The following SMARCAD1 variants were observed in gnomAD, a reference collection of about 807,000 sequenced individuals.
SMARCAD1 encodes SNF2 related chromatin remodeling ATPase with DExD box 1.
In SMARCAD1, 25 loss-of-function variants were observed where a neutral mutation model predicts 127.1. The ratio of observed to expected loss-of-function variants is 0.20; its 90% confidence interval spans 0.14 to 0.27. The LOEUF (loss-of-function observed/expected upper bound fraction) is 0.27. Among genes scored for constraint, SMARCAD1 ranks in the 10% least tolerant of loss-of-function variants. SMARCAD1 has a pLI of 1.00. For missense variants in SMARCAD1, 807 were observed against 1,206.0 expected (o/e 0.67, Z 4.90); for synonymous variants, 400 against 396.9 (o/e 1.01, Z -0.09).
intron 2 of SMARCAD1, among the ~76,000 whole-genome samples, chr4:94,222,987 T>C (rs1009471629): frequency 1.8e-4 from 27 of 151,236 alleles, no homozygotes; most frequent in African/African-American, 6.3e-4. Flanking sequence ...AAAATAAAAA[T>C]TGTTATGTCT....
intron 10 of SMARCAD1, among the ~76,000 whole-genome samples, chr4:94,269,210 C>T (rs1385584464): frequency 6.6e-6 from 1 of 152,176 alleles, no homozygotes; most frequent in East Asian, 1.9e-4. Flanking sequence ...CTGTTCTTCA[C>T]TCAGTTCTAA....
At chr4:94,277,568 T>C (rs1481378875) in intron 16 of SMARCAD1, among the ~76,000 whole-genome samples, 1 of 152,186 alleles carries the variant, frequency 6.6e-6, no homozygotes, top group Non-Finnish European at 1.5e-5. Flanking sequence ...CTGAGAAATA[T>C]ATTCTGAAAT....
At chr4:94,244,309 C>T (rs1748066107) in intron 6 of SMARCAD1, among the ~76,000 whole-genome samples, 1 of 152,186 alleles carries the variant, frequency 6.6e-6, no homozygotes, top group African/African-American at 2.4e-5. Context: ...TTCCTACAAA[C>T]AATGCTACAG....
At chr4:94,268,721 C>G (rs1363152810) in intron 10 of SMARCAD1, among the ~76,000 whole-genome samples, 1 of 152,154 alleles carries the variant, frequency 6.6e-6, no homozygotes, top group Non-Finnish European at 1.5e-5. Context: ...TACTTAACTT[C>G]TGTGAGCCGC....
intron 4 of SMARCAD1, 97 bp downstream of exon 4, chr4:94,234,219 C>A: frequency 8.9e-7 from 1 of 1,126,598 alleles, no homozygotes; most frequent in Non-Finnish European, 1.3e-6. Context: ...CTAAAGATAT[C>A]TTACGTTTGA....
intron 2 of SMARCAD1, among the ~76,000 whole-genome samples, chr4:94,219,914 C>A (rs1397314828): frequency 6.6e-6 from 1 of 152,146 alleles, no homozygotes; most frequent in Non-Finnish European, 1.5e-5. Flanking sequence ...TAAACACAGA[C>A]AATATTCAGC....
intron 6 of SMARCAD1, among the ~76,000 whole-genome samples, chr4:94,247,118 A>ATTG (rs34755772): frequency 0.55 from 83,075 of 151,712 alleles, 23,223 homozygotes; most frequent in East Asian, 0.72. Context: ...GTAATTGCTT[A>ATTG]TTGTTTTGAT....
At chr4:94,220,051 T>C (rs1202303081) in intron 2 of SMARCAD1, among the ~76,000 whole-genome samples, 1 of 152,234 alleles carries the variant, frequency 6.6e-6, no homozygotes, top group East Asian at 1.9e-4. Flanking sequence ...TACTTAAAAG[T>C]GCCTATTTGC....
At chr4:94,283,706 T>G (rs980638232) in intron 22 of SMARCAD1, among the ~76,000 whole-genome samples, 1 of 151,900 alleles carries the variant, frequency 6.6e-6, no homozygotes, top group Non-Finnish European at 1.5e-5. Context: ...GTGCCTGTAG[T>G]CCCAGCTACT....
At chr4:94,263,110 G>A (rs972411022) in intron 9 of SMARCAD1, among the ~76,000 whole-genome samples, 10 of 151,932 alleles carry the variant, frequency 6.6e-5, no homozygotes, top group Non-Finnish European at 1.2e-4. Flanking sequence ...TAGTTGTTAC[G>A]AGGATTTAAT....
chr4:94,249,592 G>A, intron 6 of SMARCAD1, 62 bp from the exon 7 acceptor site: 1 of 854,240 alleles, frequency 1.2e-6, no homozygotes, highest in African/African-American at 1.7e-5. Flanking sequence ...AATGATAATT[G>A]CCTTAAGACC....
At chr4:94,236,910 A>C (rs773660044) in intron 4 of SMARCAD1, 42 bp from the exon 5 acceptor site, 14 of 1,459,828 alleles carry the variant, frequency 9.6e-6, no homozygotes, top group Admixed American at 1.7e-5. Flanking sequence ...AATAATTCTT[A>C]AAGTGCTGAT....
At chr4:94,235,455 C>T (rs558621916) in intron 4 of SMARCAD1, among the ~76,000 whole-genome samples, 5 of 151,788 alleles carry the variant, frequency 3.3e-5, no homozygotes, top group Non-Finnish European at 5.9e-5. Flanking sequence ...ATAGGTGGTC[C>T]TGTGCCTGCC....
chr4:94,281,627 C>A (rs1553921540), intron 21 of SMARCAD1, 37 bp downstream of exon 21: 1 of 1,251,298 alleles, frequency 8.0e-7, no homozygotes, highest in Admixed American at 1.7e-5. Flanking sequence ...AAAAATAACT[C>A]ATTTATTATT....
At chr4:94,233,890 C>G in intron 3 of SMARCAD1, 64 bp from the exon 4 acceptor site, 2 of 1,513,328 alleles carry the variant, frequency 1.3e-6, no homozygotes, top group Non-Finnish European at 1.8e-6. Context: ...CACATAGACA[C>G]TATAATGAAA....
At chr4:94,213,123 C>G in intron 2 of SMARCAD1, 2 of 1,285,090 alleles carry the variant, frequency 1.6e-6, no homozygotes. Context: ...TGAGTGAAGC[C>G]TGATCCTCCA....
At chr4:94,288,376 C>T (rs1755250756) in intron 23 of SMARCAD1, among the ~76,000 whole-genome samples, 1 of 152,016 alleles carries the variant, frequency 6.6e-6, no homozygotes, top group Admixed American at 6.6e-5. Flanking sequence ...TTATTCTTTT[C>T]CTTCTTTTCT....
chr4:94,218,296 T>C (rs914101430), intron 2 of SMARCAD1, among the ~76,000 whole-genome samples: 1 of 152,070 alleles, frequency 6.6e-6, no homozygotes, highest in Non-Finnish European at 1.5e-5. Flanking sequence ...ATTTTATTTT[T>C]TTTTTGAGAT....
intron 3 of SMARCAD1, among the ~76,000 whole-genome samples, chr4:94,226,817 T>G (rs1184190294): frequency 3.3e-5 from 5 of 151,990 alleles, no homozygotes; most frequent in Admixed American, 3.3e-4. Flanking sequence ...ATAAGTGTTA[T>G]GGGCAAAGGG....
Sources: gnomAD v4.1 joint callset for allele counts (sites outside exome capture counted in the v4.1 genomes callset) on GRCh38, gnomAD v4.1.1 for gene constraint, MANE v1.5 for transcripts, NCBI Gene and HGNC (gene_info 2026-07-23, HGNC 2026-07-21) for gene names.